NECAB2: variants seen among roughly 807,000 people sequenced by gnomAD.
NECAB2 encodes N-terminal EF-hand calcium-binding protein 2.
In NECAB2, 68 loss-of-function variants were observed where a neutral mutation model predicts 51.9. The ratio of observed to expected loss-of-function variants is 1.31; its 90% CI spans 1.08 to 1.60. The LOEUF (loss-of-function observed/expected upper bound fraction) is 1.60, where lower values mean the gene tolerates loss of function less well. NECAB2 is among the 40% of genes most tolerant of loss of function. NECAB2 has a pLI of 0.00. For missense variants in NECAB2, 854 were observed against 490.3 expected (o/e 1.74, Z -7.00); for synonymous variants, 329 against 203.5 (o/e 1.62, Z -5.25).
intron 11 of NECAB2, among the ~76,000 whole-genome samples, chr16:84,001,088 A>G (rs1297789818): frequency 6.6e-6 from 1 of 152,022 alleles, no homozygotes; most frequent in African/African-American, 2.4e-5. Context: ...CTGGGGGCCG[A>G]GGCACTGCCT....
At chr16:83,969,508 C>T (rs1474357309) in intron 1 of NECAB2, among the ~76,000 whole-genome samples, 2 of 152,002 alleles carry the variant, frequency 1.3e-5, no homozygotes, top group African/African-American at 4.8e-5. Context: ...CCTCTGTTCC[C>T]TTCCCCACAC....
chr16:83,993,875 C>G (rs11862539), intron 6 of NECAB2, among the ~76,000 whole-genome samples: 10,359 of 152,156 alleles, frequency 0.068, 1,170 homozygotes, highest in African/African-American at 0.24. Flanking sequence ...GTCTTGAAAC[C>G]AGGTCCCCCA....
At chr16:83,975,836 G>C (rs925770992) in intron 2 of NECAB2, among the ~76,000 whole-genome samples, 1 of 152,180 alleles carries the variant, frequency 6.6e-6, no homozygotes, top group African/African-American at 2.4e-5. Context: ...GGCCCGCTTG[G>C]GGTCTCTGGC....
intron 6 of NECAB2, 80 bp from the exon 7 acceptor site, chr16:83,994,222 A>G: frequency 7.8e-7 from 1 of 1,281,146 alleles, no homozygotes; most frequent in Non-Finnish European, 1.1e-6. Context: ...TGCGTAATAA[A>G]TGCCTGTGGA....
chr16:83,998,885 C>G (rs2084763737), intron 10 of NECAB2, among the ~76,000 whole-genome samples: 1 of 152,220 alleles, frequency 6.6e-6, no homozygotes, highest in Non-Finnish European at 1.5e-5. Context: ...GCTGATGTAG[C>G]TCCTTGGTAA....
At position 84,002,345 on chromosome 16, in the gene NECAB2, G is replaced by A. The variant is rs756128904; in HGVS notation, c.1160G>A (p.Ter387=). ...GCTTGGTGCACGGTGGGACGGGACT[G>A]ACAGCCTCCCAGAGGCCCGTGGAGG... ...PAAWCTVGRD[*] is the part of the protein sequence containing the mutation. Residue 387 remains the stop codon, a stop_retained_variant, in exon 13 of 13, where the codon TGA becomes TAA. Transcript: ENST00000305202. 13 of 1,613,892 alleles carry A rather than the reference G, an allele frequency of 8.1e-6. No individual in the cohort carries two copies. Among genetic ancestry groups the A allele is most frequent in the Non-Finnish European group, 8.5e-6 (10 of 1,179,964 alleles).
chr16:83,972,653 C>G (rs2084361946), intron 2 of NECAB2, among the ~76,000 whole-genome samples: 1 of 152,190 alleles, frequency 6.6e-6, no homozygotes, highest in African/African-American at 2.4e-5. Flanking sequence ...AGAGGTTAAG[C>G]AATTTGCCCC....
chr16:83,990,872 A>G (rs2084615191), intron 6 of NECAB2, among the ~76,000 whole-genome samples: 1 of 152,092 alleles, frequency 6.6e-6, no homozygotes, highest in Non-Finnish European at 1.5e-5. Context: ...TGGTGTACAT[A>G]TTTATTAATA....
At chr16:84,000,970 G>A (rs2084819520) in intron 11 of NECAB2, among the ~76,000 whole-genome samples, 169 bp downstream of exon 11, 1 of 133,016 alleles carries the variant, frequency 7.5e-6, no homozygotes, top group Non-Finnish European at 1.5e-5. Flanking sequence ...GGTGGAGGCA[G>A]GAGCTCTTGG....
intron 1 of NECAB2, among the ~76,000 whole-genome samples, chr16:83,969,224 C>T (rs896412397): frequency 2.0e-5 from 3 of 152,032 alleles, no homozygotes; most frequent in Admixed American, 6.5e-5. Flanking sequence ...CCAGCCGCCT[C>T]CTCCTCTCCA....
intron 2 of NECAB2, among the ~76,000 whole-genome samples, chr16:83,973,229 C>T (rs900665586): frequency 1.3e-5 from 2 of 152,262 alleles, no homozygotes; most frequent in African/African-American, 4.8e-5. Flanking sequence ...CCCGGTTCCT[C>T]TCCTGCACAA....
chr16:83,966,876 G>GC (rs1555544922), upstream of NECAB2, among the ~76,000 whole-genome samples: 8 of 151,644 alleles, frequency 5.3e-5, no homozygotes, highest in African/African-American at 1.7e-4. Flanking sequence ...TAGCAGTGCA[G>GC]TTTTTTTTTC....
At chr16:83,984,568 A>G (rs960524423) in intron 5 of NECAB2, among the ~76,000 whole-genome samples, 3 of 151,964 alleles carry the variant, frequency 2.0e-5, no homozygotes, top group Non-Finnish European at 4.4e-5. Context: ...ACCAAAAACA[A>G]AACAAAACAA....
intron 10 of NECAB2, among the ~76,000 whole-genome samples, chr16:83,999,874 G>T (rs1243947928): frequency 7.2e-6 from 1 of 139,528 alleles, no homozygotes; most frequent in Non-Finnish European, 1.5e-5. Context: ...ATTTTTAAAG[G>T]TTTTTTGATT....
chr16:83,985,727 T>C (rs556357634), intron 5 of NECAB2, among the ~76,000 whole-genome samples: 32 of 152,312 alleles, frequency 2.1e-4, no homozygotes, highest in African/African-American at 6.0e-4. Context: ...CAGCCTGTTA[T>C]GTTCTCATTT....
Position 84,001,729 on chromosome 16 carries a change from G to T in NECAB2, c.1041-96G>T. 4 of 1,340,318 alleles carry T rather than the reference G, an allele frequency of 3.0e-6. No individual in the cohort carries two copies. The South Asian group carries it at 3.7e-5, about 12-fold the overall frequency. The allele number at this position is 1,340,318 out of a possible 1,614,324, so 83.0% of individuals were successfully genotyped here. On this transcript the variant is annotated intron_variant, in intron 11 of 12. Coordinates refer to ENST00000305202, the MANE Select transcript of NECAB2 (RefSeq NM_019065.3). ...AAAGACCCCCCGTGCTTATTGATAAGCTCCCCATTTTGGGCTAGAGCTAGG... is the reference window on the plus strand; with the variant it reads ...AAAGACCCCCCGTGCTTATTGATAATCTCCCCATTTTGGGCTAGAGCTAGG...
At chr16:83,965,404 G>A, upstream of NECAB2, 1 of 1,576,852 alleles carries the variant, frequency 6.3e-7, no homozygotes, top group Non-Finnish European at 8.6e-7. Flanking sequence ...CCGCCACAAG[G>A]GTGGGTGCGG....
At chr16:83,981,252 T>C in intron 5 of NECAB2, 125 bp downstream of exon 5, 1 of 774,630 alleles carries the variant, frequency 1.3e-6, no homozygotes, top group Non-Finnish European at 2.1e-6. Context: ...GGGTGGGCTT[T>C]GCCTGGGCCT....
chr16:83,980,508 G>C (rs566825038), intron 3 of NECAB2, among the ~76,000 whole-genome samples: 1 of 152,048 alleles, frequency 6.6e-6, no homozygotes, highest in South Asian at 2.1e-4. Context: ...CTGACAGCCC[G>C]TCACAGTAAT....
Sources: gnomAD v4.1 joint callset for allele counts (sites outside exome capture counted in the v4.1 genomes callset) on GRCh38, gnomAD v4.1.1 for gene constraint, MANE v1.5 for transcripts, NCBI Gene and HGNC (gene_info 2026-07-23, HGNC 2026-07-21) for gene names.